The following LEF1 variants were observed in gnomAD, a reference collection of about 807,000 sequenced individuals.
The protein encoded by LEF1 is lymphoid enhancer binding factor 1.
A neutral mutation model predicts 51.2 loss-of-function variants in LEF1; 14 were observed. The ratio of observed to expected loss-of-function variants is 0.27; its 90% CI spans 0.18 to 0.43. The LOEUF is 0.43. Ranked by LOEUF, LEF1 falls within the 20% of genes least tolerant of loss-of-function variation. LEF1 has a pLI of 1.00. For missense variants in LEF1, 386 were observed against 512.0 expected (o/e 0.75, Z 2.37); for synonymous variants, 185 against 183.2 (o/e 1.01, Z -0.08).
At chr4:108,060,551 C>T (rs1737612578) in intron 11 of LEF1, among the ~76,000 whole-genome samples, 2 of 152,098 alleles carry the variant, frequency 1.3e-5, no homozygotes, top group Non-Finnish European at 2.9e-5. Flanking sequence ...TAACGTGACG[C>T]TCTGTTCCCT....
At chr4:108,166,544 A>T in intron 1 of LEF1, 2 of 1,274,096 alleles carry the variant, frequency 1.6e-6, no homozygotes, top group Non-Finnish European at 2.0e-6. Flanking sequence ...ATCAGGGTCC[A>T]TCCGCCCCCT....
In LEF1 at chr4:108,168,368, A is replaced by AAAAAAG. The variant is rs775552492; in HGVS notation, c.-607_-602dup. 1 of 152,280 alleles carries AAAAAAG rather than the reference A, an allele frequency of 6.6e-6. No individual in the cohort carries two copies. Among genetic ancestry groups the AAAAAAG allele is most frequent in the African/African-American group, 2.4e-5 (1 of 41,468 alleles). 9.4% of individuals were successfully genotyped at this position (152,280 alleles called of 1,614,324 possible). On this transcript the variant is annotated 5_prime_UTR_variant, in exon 1 of 12. Coordinates refer to ENST00000265165, the MANE Select transcript of LEF1 (RefSeq NM_016269.5). This position sits in a 1 kb window ranked among gnomAD's most constrained non-coding sequence, Gnocchi z 4.6. ...AACGTCCACTTCCTGAAGGGTGGGA[A>AAAAAAG]AAAAAGAAAAAGAAAAAGGAGCCAC...
intron 3 of LEF1, among the ~76,000 whole-genome samples, chr4:108,125,275 T>C (rs1418747302): frequency 2.0e-5 from 3 of 152,210 alleles, no homozygotes; most frequent in Non-Finnish European, 4.4e-5. Flanking sequence ...GCAATTTTCC[T>C]GCCTCAGCAT....
Position 108,167,456 on chromosome 4 carries a change from C to T in LEF1, c.213+99G>A. Reference sequence around the variant, plus strand: ...AACAAACGAGGGATCTACTCGGGACCCTCAGCCGGGCGGCCGGGCGCCTTC... The same window carrying T: ...AACAAACGAGGGATCTACTCGGGACTCTCAGCCGGGCGGCCGGGCGCCTTC... On this transcript the variant is annotated intron_variant, in intron 1 of 11. Coordinates refer to ENST00000265165, the MANE Select transcript of LEF1 (RefSeq NM_016269.5). This position sits in a 1 kb window ranked among gnomAD's most constrained non-coding sequence, Gnocchi z 5.7. 1 of 1,210,322 alleles carries T rather than the reference C, an allele frequency of 8.3e-7. No homozygotes were observed. Among genetic ancestry groups the T allele is most frequent in the Non-Finnish European group, 1.2e-6 (1 of 839,318 alleles). 75.0% of individuals were successfully genotyped at this position (1,210,322 alleles called of 1,614,324 possible). A position where few individuals can be genotyped will look rare whatever the true frequency, so the allele number is the denominator to read the frequency against.
At chr4:108,166,971 G>C (rs958393216) in intron 1 of LEF1, among the ~76,000 whole-genome samples, 13 of 152,102 alleles carry the variant, frequency 8.5e-5, no homozygotes, top group Non-Finnish European at 1.3e-4. Context: ...GCCCGGGTGC[G>C]CGCCCCATCG....
chr4:108,086,457 G>A (rs531552138), intron 4 of LEF1, among the ~76,000 whole-genome samples: 8 of 152,232 alleles, frequency 5.3e-5, no homozygotes, highest in South Asian at 2.1e-4. Context: ...TATACTGAGC[G>A]TAGCCTTTAA....
At chr4:108,094,147 G>A (rs1430258697) in intron 3 of LEF1, among the ~76,000 whole-genome samples, 1 of 152,214 alleles carries the variant, frequency 6.6e-6, no homozygotes, top group Non-Finnish European at 1.5e-5. Flanking sequence ...TGGACACTGA[G>A]GTGACCATTT....
At chr4:108,121,836 G>T (rs370203519) in intron 3 of LEF1, among the ~76,000 whole-genome samples, 4 of 152,116 alleles carry the variant, frequency 2.6e-5, no homozygotes, top group African/African-American at 9.7e-5. Context: ...TTTCCTCTAA[G>T]TACCTGTTGG....
chr4:108,134,961 G>A (rs953318497), intron 3 of LEF1, among the ~76,000 whole-genome samples: 12 of 152,108 alleles, frequency 7.9e-5, no homozygotes, highest in African/African-American at 2.7e-4. Context: ...ATTCCCATAT[G>A]ACAAGAAAAT....
At chr4:108,155,687 T>G (rs925353685) in intron 3 of LEF1, among the ~76,000 whole-genome samples, 1 of 152,174 alleles carries the variant, frequency 6.6e-6, no homozygotes, top group Non-Finnish European at 1.5e-5. Flanking sequence ...CCATATGAAC[T>G]TCTCATCAAT....
rs939946359 is a variant in LEF1, at chr4:108,166,777, G to T, written c.213+778C>A. The T allele has an allele frequency of 8.1e-6, 8 of 986,374 alleles. No individual in the cohort carries two copies. The African/African-American group carries it at 1.0e-4, about 13-fold the overall frequency. The allele number at this position is 986,374 out of a possible 1,614,324, so 61.1% of individuals were successfully genotyped here. On this transcript the variant is annotated intron_variant, in intron 1 of 11. Coordinates refer to ENST00000265165, the MANE Select transcript of LEF1 (RefSeq NM_016269.5). ...TCTGCGTAGATTTAAGGCCTGATCCGGTCCCAAACCCCAAATAAAAGTTGT... is the reference window on the plus strand; with the variant it reads ...TCTGCGTAGATTTAAGGCCTGATCCTGTCCCAAACCCCAAATAAAAGTTGT...
chr4:108,132,825 C>T (rs1022636788), intron 3 of LEF1, among the ~76,000 whole-genome samples: 10 of 151,232 alleles, frequency 6.6e-5, no homozygotes, highest in African/African-American at 2.2e-4. Flanking sequence ...TGTACCACAA[C>T]ACCCACCTAA....
rs547674568 is a variant in LEF1 at position 108,075,133 on chromosome 4, G to A, written c.1008+3087C>T. 5.3e-5 allele frequency among the ~76,000 whole-genome samples: 8 copies of A among 152,268 alleles called. No homozygotes were observed. The South Asian group carries it at 1.7e-3, about 32-fold the overall frequency. On this transcript the variant is annotated intron_variant, in intron 8 of 11. Coordinates refer to ENST00000265165, the MANE Select transcript of LEF1 (RefSeq NM_016269.5). ...AAAGCATTGTAATTATTGTTATTAA[G>A]TGTCTAAGAATCCACAGGGAGATAG...
At chr4:108,049,730 C>T (rs1422426971) in intron 11 of LEF1, among the ~76,000 whole-genome samples, 1 of 152,156 alleles carries the variant, frequency 6.6e-6, no homozygotes, top group Non-Finnish European at 1.5e-5. Context: ...TTTAGAAACT[C>T]ATTCTAAATA....
chr4:108,089,244 G>A lies in LEF1; in HGVS notation c.428C>T (p.Pro143Leu). Residue 143 changes from proline (P) to leucine (L), a missense_variant, in exon 4 of 12, where the codon CCC (proline) becomes CTC (leucine). Pro to Leu is a moderately conservative substitution (Grantham distance 98). Coordinates refer to ENST00000265165, the MANE Select transcript of LEF1 (RefSeq NM_016269.5). ...PPIPRTSNKV[P>L]VVQPSHAVHP... ...GACCGCATGGGATGGCTGCACCACG[G>A]GCACTTTATTTGACTGCAAAGTAAC... 1 of 1,613,828 alleles carries A rather than the reference G, an allele frequency of 6.2e-7. No individual in the cohort carries two copies. Among genetic ancestry groups the A allele is most frequent in the South Asian group, 1.1e-5 (1 of 91,026 alleles).
intron 8 of LEF1, chr4:108,072,993 C>T (rs1366591554): frequency 6.6e-6 from 1 of 152,208 alleles, no homozygotes; most frequent in Non-Finnish European, 1.5e-5. Flanking sequence ...ACCGCAGCCT[C>T]GAACTCCTGG....
intron 3 of LEF1, among the ~76,000 whole-genome samples, chr4:108,128,278 A>C (rs1029460813): frequency 1.3e-5 from 2 of 152,180 alleles, no homozygotes; most frequent in Non-Finnish European, 2.9e-5. Context: ...CAGGACCTTC[A>C]CAAGAATCTT....
At chr4:108,127,125 T>C (rs1296647034) in intron 3 of LEF1, among the ~76,000 whole-genome samples, 1 of 119,378 alleles carries the variant, frequency 8.4e-6, no homozygotes, top group African/African-American at 3.1e-5. Flanking sequence ...TCATGTGTAA[T>C]GGGGGCTCAT....
At chr4:108,165,489 A>C (rs997191329) in intron 1 of LEF1, among the ~76,000 whole-genome samples, 1 of 152,230 alleles carries the variant, frequency 6.6e-6, no homozygotes, top group South Asian at 2.1e-4. Context: ...TGGATGCCTA[A>C]TATTACAGGA....
Sources: allele counts gnomAD v4.1 joint callset (sites outside exome capture counted in the v4.1 genomes callset), GRCh38; gene constraint gnomAD v4.1.1; non-coding constraint Gnocchi (gnomAD v3.1); transcripts MANE v1.5; gene names NCBI Gene and HGNC (gene_info 2026-07-23, HGNC 2026-07-21).